The following ZIM2 variants were observed in gnomAD, a reference collection of about 807,000 sequenced individuals.
ZIM2 encodes zinc finger protein 656.
In ZIM2, 14 loss-of-function variants were observed where a neutral mutation model predicts 38.6. The observed-to-expected ratio is 0.36, with a 90% CI of 0.24 to 0.57. The LOEUF is 0.57. Ranked by LOEUF, ZIM2 falls within the 20% of genes least tolerant of loss-of-function variation. The pLI, the probability that ZIM2 is intolerant of heterozygous loss-of-function variation, is 0.81. For missense variants in ZIM2, 680 were observed against 695.1 expected (o/e 0.98, Z 0.24); for synonymous variants, 247 against 245.8 (o/e 1.00, Z -0.04).
At chr19:56,818,755 A>G in intron 7 of ZIM2, 53 bp from the exon 8 acceptor site, 1 of 1,587,580 alleles carries the variant, frequency 6.3e-7, no homozygotes, top group Non-Finnish European at 8.6e-7. Context: ...CCGATGTTCA[A>G]AGACAGAATA....
intron 1 of ZIM2, among the ~76,000 whole-genome samples, chr19:56,839,345 CCT>C: frequency 6.6e-6 from 1 of 151,934 alleles, no homozygotes; most frequent in Non-Finnish European, 1.5e-5. Context: ...TGCCCCGCCC[CCT>C]CTGCTACCAA....
intron 9 of ZIM2, among the ~76,000 whole-genome samples, chr19:56,803,509 A>G (rs1186147868): frequency 6.6e-6 from 1 of 152,108 alleles, no homozygotes; most frequent in African/African-American, 2.4e-5. Context: ...CAGGCGTTAG[A>G]GTTTGGGGAA....
chr19:56,803,711 AT>A (rs2047633291), intron 9 of ZIM2, among the ~76,000 whole-genome samples: 1 of 152,222 alleles, frequency 6.6e-6, no homozygotes, highest in Non-Finnish European at 1.5e-5. Context: ...GAAGTGGGAC[AT>A]TGAGGTAATT....
At chr19:56,789,804 G>C in intron 10 of ZIM2, 68 bp downstream of exon 10, 4 of 1,332,982 alleles carry the variant, frequency 3.0e-6, no homozygotes, top group Non-Finnish European at 4.0e-6. Context: ...ATTAAATAAG[G>C]AAGTCCACAA....
At chr19:56,793,193 G>A (rs2047030082) in intron 9 of ZIM2, 1 of 152,612 alleles carries the variant, frequency 6.6e-6, no homozygotes, top group Non-Finnish European at 1.5e-5. Context: ...CAGAGCTCCT[G>A]GATTTGGCTC....
intron 1 of ZIM2, among the ~76,000 whole-genome samples, chr19:56,838,277 T>G (rs1448357269): frequency 6.6e-6 from 1 of 151,608 alleles, no homozygotes; most frequent in Non-Finnish European, 1.5e-5. Context: ...CCCTAGTCAC[T>G]GAGAAAGCCC....
chr19:56,833,691 G>C (rs1221155688), intron 2 of ZIM2: 3 of 166,594 alleles, frequency 1.8e-5, no homozygotes, highest in African/African-American at 7.2e-5. Flanking sequence ...CAGGAAAGAA[G>C]CATTCCTACA....
At chr19:56,839,024 A>T (rs1008805366) in intron 1 of ZIM2, among the ~76,000 whole-genome samples, 1 of 152,150 alleles carries the variant, frequency 6.6e-6, no homozygotes, top group Non-Finnish European at 1.5e-5. Context: ...CTGCGCGGCA[A>T]ACCTCAGCTG....
rs772020951 is a variant in ZIM2 at position 56,814,096 on chromosome 19, T to A, written c.490+3650A>T. On this transcript the variant is annotated intron_variant, in intron 9 of 12. Coordinates refer to ENST00000629319, the MANE Select transcript of ZIM2 (RefSeq NM_001387356.1). This position sits in a 1 kb window ranked among gnomAD's most constrained non-coding sequence, Gnocchi z 5.8. ...ACCTGCACCATCTGGCTCATCAGCA[T>A]CCCCATTTGGCTGCTCGGCCTCTCC... The A allele has an allele frequency of 5.6e-6, 9 of 1,614,134 alleles. No homozygotes were observed. In the Admixed American group the frequency reaches 6.7e-5, roughly 12 times the overall value.
At chr19:56,779,269 AG>A (rs1372701131) in intron 12 of ZIM2, 107 bp downstream of exon 12, 3 of 1,052,462 alleles carry the variant, frequency 2.9e-6, no homozygotes, top group Admixed American at 2.0e-5. Context: ...CTGAGGAGAA[AG>A]GGCACCTACC....
intron 7 of ZIM2, among the ~76,000 whole-genome samples, chr19:56,819,037 G>A (rs777323116): frequency 1.6e-4 from 25 of 152,222 alleles, no homozygotes; most frequent in Non-Finnish European, 3.2e-4. Context: ...GGGTTTTGTA[G>A]AGGGACAGTT....
chr19:56,814,178 C>A lies in ZIM2; in HGVS notation c.490+3568G>T. ...GCAGCCTCTCCATCTGGCCCTTCAG[C>A]CTCTCCGTTTGGCTCAGCAGCCTCC... On this transcript the variant is annotated intron_variant, in intron 9 of 12. Coordinates refer to ENST00000629319, the MANE Select transcript of ZIM2 (RefSeq NM_001387356.1). The surrounding 1 kb of genome is among the most constrained non-coding windows in gnomAD (Gnocchi z 5.8). 1 of 1,614,150 alleles carries A rather than the reference C, an allele frequency of 6.2e-7. No homozygotes were observed.
chr19:56,783,631 C>T (rs558170112), intron 10 of ZIM2, among the ~76,000 whole-genome samples: 9 of 152,100 alleles, frequency 5.9e-5, no homozygotes, highest in Admixed American at 2.6e-4. Context: ...ACTGGGTATA[C>T]ATGGTCATTA....
chr19:56,831,470 A>G (rs1442404323), intron 2 of ZIM2, among the ~76,000 whole-genome samples: 2 of 152,236 alleles, frequency 1.3e-5, no homozygotes, highest in African/African-American at 4.8e-5. Flanking sequence ...TGACGTTAGG[A>G]AAGGCCAATA....
At chr19:56,815,025 C>T (rs1187513465) in intron 9 of ZIM2, 1 of 1,614,164 alleles carries the variant, frequency 6.2e-7, no homozygotes, top group South Asian at 1.1e-5. Context: ...AATGTGTGTA[C>T]TCCCGACTGT....
chr19:56,777,612 T>G (rs796376768), intron 12 of ZIM2, among the ~76,000 whole-genome samples: 1 of 152,226 alleles, frequency 6.6e-6, no homozygotes, highest in Non-Finnish European at 1.5e-5. Context: ...TCCAGCACAG[T>G]AGCCATTAGC....
intron 2 of ZIM2, chr19:56,833,792 G>A (rs1212668141): frequency 6.6e-6 from 1 of 152,462 alleles, no homozygotes; most frequent in East Asian, 1.9e-4. Context: ...TGGGACATAG[G>A]GACTTTAGAG....
intron 9 of ZIM2, among the ~76,000 whole-genome samples, chr19:56,806,615 T>C (rs760988952): frequency 3.3e-5 from 5 of 152,148 alleles, no homozygotes; most frequent in African/African-American, 7.2e-5. Flanking sequence ...TATTGGGAGA[T>C]ATATTGTTAC....
At chr19:56,816,983 T>TAAA (rs773495944) in intron 9 of ZIM2, 51 of 1,614,042 alleles carry the variant, frequency 3.2e-5, no homozygotes, top group Non-Finnish European at 4.2e-5. Flanking sequence ...ACACTGTGGA[T>TAAA]AAAGGACTCA....
Sources: gnomAD v4.1 joint callset for allele counts (sites outside exome capture counted in the v4.1 genomes callset) on GRCh38, gnomAD v4.1.1 for gene constraint, Gnocchi (gnomAD v3.1) non-coding constraint, MANE v1.5 for transcripts, NCBI Gene and HGNC (gene_info 2026-07-23, HGNC 2026-07-21) for gene names.